HIVEP3: variants seen among roughly 807,000 people sequenced by gnomAD.
HIVEP3 encodes the protein HIVEP zinc finger 3, also known as transcription factor HIVEP3.
HIVEP3 carries 49 observed loss-of-function variants against 152.8 expected under a neutral mutation model. That is an observed-to-expected ratio of 0.32 (90% CI 0.26 to 0.41). The LOEUF (loss-of-function observed/expected upper bound fraction) is 0.41, where lower values mean the gene tolerates loss of function less well. Ranked by LOEUF, HIVEP3 falls within the 10% of genes least tolerant of loss-of-function variation. The probability of loss-of-function intolerance (pLI) is 1.00; values close to 1 mark genes in which losing one functional copy is unlikely to be tolerated. For missense variants in HIVEP3, 2,790 were observed against 3,103.3 expected, an observed-to-expected ratio of 0.90 and a Z score of 2.40; for synonymous variants, 1,269 against 1,289.0, an observed-to-expected ratio of 0.98 and a Z score of 0.33.
At chr1:41,779,776 C>T (rs922217124) in intron 1 of HIVEP3, among the ~76,000 whole-genome samples, 1 of 152,104 alleles carries the variant, frequency 6.6e-6, no homozygotes, top group Non-Finnish European at 1.5e-5. Flanking sequence ...GGATTAAAGG[C>T]GTGTGCCACC....
At chr1:41,521,468 A>C (rs1435684504) in intron 6 of HIVEP3, among the ~76,000 whole-genome samples, 1 of 152,150 alleles carries the variant, frequency 6.6e-6, no homozygotes, top group Non-Finnish European at 1.5e-5. Flanking sequence ...TGGACACTGG[A>C]TGGGCAGCCC....
At chr1:41,857,419 A>G (rs1383311686) in intron 1 of HIVEP3, among the ~76,000 whole-genome samples, 2 of 152,210 alleles carry the variant, frequency 1.3e-5, no homozygotes, top group Non-Finnish European at 2.9e-5. Context: ...CCACCCCAGG[A>G]AGGGTGGCTG....
intron 1 of HIVEP3, among the ~76,000 whole-genome samples, chr1:41,718,355 A>G (rs1646626428): frequency 6.6e-6 from 1 of 152,204 alleles, no homozygotes; most frequent in Admixed American, 6.5e-5. Flanking sequence ...ATCTTTCTAA[A>G]TCTCAGCTTC....
At chr1:41,631,806 T>C (rs1348085336) in intron 2 of HIVEP3, among the ~76,000 whole-genome samples, 1 of 152,108 alleles carries the variant, frequency 6.6e-6, no homozygotes, top group Non-Finnish European at 1.5e-5. Flanking sequence ...CTCCAATAGA[T>C]TGCAGTTATT....
At chr1:41,812,642 C>G (rs1206517824) in intron 1 of HIVEP3, among the ~76,000 whole-genome samples, 1 of 152,018 alleles carries the variant, frequency 6.6e-6, no homozygotes, top group Admixed American at 6.6e-5. Context: ...ACGCATTTAT[C>G]CTGGGAAGGG....
intron 1 of HIVEP3, among the ~76,000 whole-genome samples, chr1:41,884,257 C>G (rs892854239): frequency 3.9e-5 from 6 of 152,174 alleles, no homozygotes; most frequent in African/African-American, 1.4e-4. Flanking sequence ...TGAGCCACCA[C>G]GTCATGAGCC....
intron 1 of HIVEP3, among the ~76,000 whole-genome samples, chr1:41,891,379 C>T (rs1644444056): frequency 6.6e-6 from 1 of 152,236 alleles, no homozygotes; most frequent in African/African-American, 2.4e-5. Context: ...TTCAATTAAA[C>T]TTTGCTAAAA....
intron 1 of HIVEP3, among the ~76,000 whole-genome samples, chr1:41,763,886 A>G (rs141878607): frequency 4.1e-4 from 62 of 152,376 alleles, no homozygotes; most frequent in Admixed American, 9.8e-4. Context: ...AGTGCAGGAG[A>G]AGAATCAGTG....
intron 3 of HIVEP3, among the ~76,000 whole-genome samples, chr1:41,626,902 G>T (rs1172893291): frequency 1.3e-5 from 2 of 152,192 alleles, no homozygotes; most frequent in Non-Finnish European, 2.9e-5. Flanking sequence ...GTAACCAGAG[G>T]CTCTGCCCCT....
At position 41,686,872 on chromosome 1, in the gene HIVEP3, G is replaced by A. The variant is rs538946178; in HGVS notation, c.-721+14044C>T. ...TAAACACAGGAGCATGGTAAGAATG[G>A]ATTCATTCACTCCACAAATAATCAT... On this transcript the variant is annotated intron_variant, in intron 2 of 8. Coordinates refer to ENST00000372583, the MANE Select transcript of HIVEP3 (RefSeq NM_024503.5). Among the ~76,000 whole-genome samples the A allele has an allele frequency of 9.8e-5, 15 of 152,298 alleles. No homozygotes were observed. In the East Asian group the frequency reaches 1.7e-3, roughly 18 times the overall value.
chr1:41,859,696 C>T (rs969638932), intron 1 of HIVEP3, among the ~76,000 whole-genome samples: 3 of 152,230 alleles, frequency 2.0e-5, no homozygotes, highest in Non-Finnish European at 4.4e-5. Flanking sequence ...CCTTCATCTA[C>T]GCTGACTGCT....
chr1:41,555,696 C>G (rs756967496), intron 5 of HIVEP3, among the ~76,000 whole-genome samples: 8 of 152,246 alleles, frequency 5.3e-5, no homozygotes, highest in Non-Finnish European at 7.3e-5. Context: ...GTTGTGCAAC[C>G]ATTACCACCA....
chr1:41,898,914 G>C (rs147898688), intron 1 of HIVEP3, among the ~76,000 whole-genome samples: 49 of 152,354 alleles, frequency 3.2e-4, no homozygotes, highest in African/African-American at 1.1e-3. Context: ...AAAATTCACT[G>C]CTTAATTAAT....
At chr1:41,834,560 AC>A in intron 1 of HIVEP3, among the ~76,000 whole-genome samples, 1 of 152,316 alleles carries the variant, frequency 6.6e-6, no homozygotes, top group Non-Finnish European at 1.5e-5. Context: ...ATTGAATAAG[AC>A]AGCGATGTGG....
chr1:41,606,258 G>A (rs1245012688), intron 3 of HIVEP3, among the ~76,000 whole-genome samples: 2 of 151,808 alleles, frequency 1.3e-5, no homozygotes, highest in Non-Finnish European at 2.9e-5. Flanking sequence ...CTTAAATTGC[G>A]ATTTTCTGAT....
rs564789695 is a variant in HIVEP3 at position 41,824,653 on chromosome 1, C to G, written c.-801+93760G>C. ...ACTGTTTTTCGTGACAAGGTAGTCC[C>G]TCCTAGGAACACAAGGAACATTAAC... On this transcript the variant is annotated intron_variant, in intron 1 of 8. Transcript: ENST00000372583. Among the ~76,000 whole-genome samples the G allele has an allele frequency of 4.0e-5, 6 of 151,080 alleles. No homozygotes were observed. In the South Asian group the frequency reaches 1.3e-3, roughly 32 times the overall value.
rs116749821 is a variant in HIVEP3 at position 41,718,614 on chromosome 1, G to A, written c.-800-17619C>T. On this transcript the variant is annotated intron_variant, in intron 1 of 8. Transcript: ENST00000372583. ...CATCCCACAGAGGATCTGCCCAGGC[G>A]TGTCAGCTGATGGGAATAAGGGTTG... 9.0e-3 allele frequency among the ~76,000 whole-genome samples: 1,374 copies of A among 152,256 alleles called. 19 individuals carry two copies. Among genetic ancestry groups the A allele is most frequent in the African/African-American group, 0.031 (1,296 of 41,534 alleles).
chr1:41,636,460 TCTAA>T (rs1300098072), intron 2 of HIVEP3, among the ~76,000 whole-genome samples: 2 of 152,062 alleles, frequency 1.3e-5, no homozygotes, highest in African/African-American at 2.4e-5. Context: ...GATTAATAAA[TCTAA>T]CTACATAAAA....
chr1:41,853,255 T>C (rs553965233), intron 1 of HIVEP3, among the ~76,000 whole-genome samples: 18 of 151,962 alleles, frequency 1.2e-4, no homozygotes, highest in Non-Finnish European at 2.4e-4. Context: ...TTCAGGGAGG[T>C]TCTATTAGTC....
Sources: allele counts gnomAD v4.1 joint callset (sites outside exome capture counted in the v4.1 genomes callset), GRCh38; gene constraint gnomAD v4.1.1; transcripts MANE v1.5; gene names NCBI Gene and HGNC (gene_info 2026-07-23, HGNC 2026-07-21).